The following MACROD2 variants were observed in gnomAD, a reference collection of about 807,000 sequenced individuals.
MACROD2 encodes the protein mono-ADP ribosylhydrolase 2.
In MACROD2, 36 loss-of-function variants were observed where a neutral mutation model predicts 70.4. The observed-to-expected ratio is 0.51, with a 90% confidence interval of 0.39 to 0.68. MACROD2 has a LOEUF of 0.68. MACROD2 is among the 30% of genes least tolerant of loss of function. The pLI is 0.00. For synonymous variants in MACROD2, 172 were observed against 178.8 expected (o/e 0.96, Z 0.30); for missense variants, 496 against 538.4 (o/e 0.92, Z 0.78).
chr20:14,090,444 G>C (rs192193315), intron 3 of MACROD2, among the ~76,000 whole-genome samples: 1 of 152,050 alleles, frequency 6.6e-6, no homozygotes, highest in Admixed American at 6.6e-5. Context: ...ACGGTGGCAG[G>C]TGCCTGTAAT....
At chr20:15,066,838 C>T (rs1057041407) in intron 5 of MACROD2, among the ~76,000 whole-genome samples, 5 of 150,524 alleles carry the variant, frequency 3.3e-5, no homozygotes, top group African/African-American at 9.8e-5. Flanking sequence ...GCCAAGACTG[C>T]ACCACTGCAC....
intron 3 of MACROD2, among the ~76,000 whole-genome samples, chr20:14,211,370 CTT>C (rs1002235402): frequency 5.9e-5 from 9 of 152,106 alleles, no homozygotes; most frequent in Admixed American, 5.9e-4. Flanking sequence ...GGCAGCAAAA[CTT>C]GATGTGGAAT....
At chr20:14,866,356 C>T (rs2073427618) in intron 5 of MACROD2, among the ~76,000 whole-genome samples, 1 of 152,090 alleles carries the variant, frequency 6.6e-6, no homozygotes, top group South Asian at 2.1e-4. Context: ...ATCCAAAGTG[C>T]ACTCCCTTCA....
intron 8 of MACROD2, among the ~76,000 whole-genome samples, chr20:15,778,425 AATTCT>A (rs1439824071): frequency 6.6e-6 from 1 of 152,094 alleles, no homozygotes; most frequent in Non-Finnish European, 1.5e-5. Context: ...AAATTTTTTA[AATTCT>A]ATTCATAAGC....
intron 6 of MACROD2, among the ~76,000 whole-genome samples, chr20:15,262,716 G>C (rs1157213268): frequency 6.6e-6 from 1 of 151,860 alleles, no homozygotes; most frequent in Non-Finnish European, 1.5e-5. Flanking sequence ...TTTTGTTATT[G>C]CCTGACTTTT....
At chr20:14,127,891 T>C (rs1269239961) in intron 3 of MACROD2, 8 of 497,378 alleles carry the variant, frequency 1.6e-5, no homozygotes, top group Middle Eastern at 6.6e-4. Flanking sequence ...GATCTTTGAA[T>C]TGGTTGCATC....
chr20:15,068,167 A>G (rs561590739), intron 5 of MACROD2, among the ~76,000 whole-genome samples: 2 of 152,294 alleles, frequency 1.3e-5, no homozygotes, highest in South Asian at 4.1e-4. Flanking sequence ...TCTTCTGATA[A>G]TATCATGCAT....
intron 5 of MACROD2, among the ~76,000 whole-genome samples, chr20:15,122,296 C>T (rs766843583): frequency 4.6e-5 from 7 of 152,274 alleles, no homozygotes; most frequent in Non-Finnish European, 1.0e-4. Context: ...TTTGAAGGCA[C>T]ATTCCACCAT....
intron 3 of MACROD2, among the ~76,000 whole-genome samples, chr20:14,298,710 T>C (rs1354721657): frequency 6.6e-6 from 1 of 151,736 alleles, no homozygotes; most frequent in Non-Finnish European, 1.5e-5. Context: ...TTGTGACTCA[T>C]GGGAGGAGGT....
At chr20:14,765,228 C>T (rs1233590757) in intron 5 of MACROD2, among the ~76,000 whole-genome samples, 6 of 152,048 alleles carry the variant, frequency 3.9e-5, no homozygotes, top group African/African-American at 1.5e-4. Context: ...ATTCTCTATT[C>T]CCTCCCCGCT....
At chr20:14,818,330 T>C (rs1040744) in intron 5 of MACROD2, among the ~76,000 whole-genome samples, 57,957 of 151,880 alleles carry the variant, frequency 0.38, 12,648 homozygotes, top group African/African-American at 0.57. Flanking sequence ...TCGTCTACTA[T>C]GAGTAGTACA....
intron 4 of MACROD2, among the ~76,000 whole-genome samples, chr20:14,602,268 G>A (rs912039420): frequency 9.2e-5 from 14 of 152,248 alleles, no homozygotes; most frequent in African/African-American, 3.4e-4. Context: ...AATTCCTGGT[G>A]GCTGCACCCT....
intron 5 of MACROD2, among the ~76,000 whole-genome samples, chr20:15,045,651 C>A (rs1467505963): frequency 6.6e-6 from 1 of 151,242 alleles, no homozygotes; most frequent in Non-Finnish European, 1.5e-5. Context: ...CCACCATTAC[C>A]CATAGATTTT....
At chr20:14,258,598 A>G (rs1236981255) in intron 3 of MACROD2, among the ~76,000 whole-genome samples, 1 of 152,006 alleles carries the variant, frequency 6.6e-6, no homozygotes, top group Non-Finnish European at 1.5e-5. Context: ...CTCCCTGTAG[A>G]TTCTGGATAT....
At chr20:15,084,946 C>G (rs754906323) in intron 5 of MACROD2, among the ~76,000 whole-genome samples, 2 of 152,080 alleles carry the variant, frequency 1.3e-5, no homozygotes. Context: ...CTCAGGGGAC[C>G]TAGAATAGCT....
intron 12 of MACROD2, among the ~76,000 whole-genome samples, chr20:15,945,576 T>A (rs1217942947): frequency 1.3e-5 from 2 of 152,228 alleles, no homozygotes; most frequent in Non-Finnish European, 2.9e-5. Context: ...TTTTAATAGA[T>A]GTTGCCAAAT....
intron 8 of MACROD2, among the ~76,000 whole-genome samples, chr20:15,542,105 G>T (rs577931070): frequency 1.3e-5 from 2 of 152,008 alleles, no homozygotes. Flanking sequence ...GCATCTTGGG[G>T]TTATACAAAA....
intron 4 of MACROD2, among the ~76,000 whole-genome samples, chr20:14,568,340 G>T (rs947866005): frequency 6.6e-6 from 1 of 151,980 alleles, no homozygotes; most frequent in Non-Finnish European, 1.5e-5. Flanking sequence ...TACAAGAAAG[G>T]TTCCCCAATG....
chr20:15,258,378 C>T (rs764560599), intron 6 of MACROD2, among the ~76,000 whole-genome samples: 1 of 152,100 alleles, frequency 6.6e-6, no homozygotes, highest in Non-Finnish European at 1.5e-5. Flanking sequence ...AAGCTCCCTT[C>T]ATGGCAAGTG....
Sources: allele counts gnomAD v4.1 joint callset (sites outside exome capture counted in the v4.1 genomes callset), GRCh38; gene constraint gnomAD v4.1.1; transcripts MANE v1.5; gene names NCBI Gene and HGNC (gene_info 2026-07-23, HGNC 2026-07-21).